AFF3: variants seen among roughly 807,000 people sequenced by gnomAD.
The protein encoded by AFF3 is AF4/FMR2 family member 3.
A neutral mutation model predicts 129.7 loss-of-function variants in AFF3; 32 were observed. That is an observed-to-expected ratio of 0.25 (90% CI 0.19 to 0.33). The LOEUF is 0.33. AFF3 is among the 10% of genes least tolerant of loss of function. The pLI is 1.00. For synonymous variants in AFF3, 644 were observed against 635.4 expected, an observed-to-expected ratio of 1.01 and a Z score of -0.20; for missense variants, 1,373 against 1,592.0, an observed-to-expected ratio of 0.86 and a Z score of 2.34.
intron 7 of AFF3, among the ~76,000 whole-genome samples, chr2:99,950,587 T>C (rs1368139814): frequency 6.6e-6 from 1 of 152,218 alleles, no homozygotes; most frequent in Non-Finnish European, 1.5e-5. Flanking sequence ...GAGGGATTTT[T>C]CTTCTCTTTC....
chr2:99,991,764 G>A (rs892611502), intron 7 of AFF3, among the ~76,000 whole-genome samples: 1 of 152,016 alleles, frequency 6.6e-6, no homozygotes, highest in South Asian at 2.1e-4. Flanking sequence ...TTAGCCAGGC[G>A]TGGTGGCGCA....
At chr2:99,783,681 C>T (rs1362149205) in intron 8 of AFF3, among the ~76,000 whole-genome samples, 2 of 152,214 alleles carry the variant, frequency 1.3e-5, no homozygotes, top group Non-Finnish European at 2.9e-5. Flanking sequence ...GAATCCAGAG[C>T]TGTCTTTCTA....
intron 8 of AFF3, among the ~76,000 whole-genome samples, chr2:99,824,814 G>A (rs1687952549): frequency 6.6e-6 from 1 of 152,162 alleles, no homozygotes; most frequent in Non-Finnish European, 1.5e-5. Context: ...GCTGCACACG[G>A]CACTTTTCTA....
At chr2:99,894,219 A>T (rs946845378) in intron 7 of AFF3, among the ~76,000 whole-genome samples, 37 of 152,040 alleles carry the variant, frequency 2.4e-4, no homozygotes, top group Non-Finnish European at 4.6e-4. Context: ...TTTTGAAAAA[A>T]AAAAAAGGAG....
chr2:99,708,318 G>A (rs1044656604), intron 11 of AFF3, among the ~76,000 whole-genome samples: 5 of 152,114 alleles, frequency 3.3e-5, no homozygotes, highest in Non-Finnish European at 5.9e-5. Flanking sequence ...AACGCTTTTT[G>A]TCTAGATGTA....
intron 11 of AFF3, among the ~76,000 whole-genome samples, chr2:99,691,014 C>T (rs1315299736): frequency 6.6e-6 from 1 of 151,750 alleles, no homozygotes; most frequent in Admixed American, 6.6e-5. Flanking sequence ...TTGGAGGGAC[C>T]CATTTCTCAT....
intron 11 of AFF3, among the ~76,000 whole-genome samples, chr2:99,705,911 G>A (rs1325608635): frequency 1.4e-5 from 2 of 147,316 alleles, no homozygotes; most frequent in Non-Finnish European, 3.0e-5. Context: ...CACGCCCTTT[G>A]GGTTGCTGAA....
chr2:99,566,413 C>T (rs927292595), intron 19 of AFF3, among the ~76,000 whole-genome samples: 7 of 152,116 alleles, frequency 4.6e-5, no homozygotes, highest in South Asian at 4.1e-4. Context: ...TTGGGCCTGG[C>T]GGCTCATGCC....
At chr2:99,799,853 G>A (rs186192358) in intron 8 of AFF3, among the ~76,000 whole-genome samples, 11 of 152,168 alleles carry the variant, frequency 7.2e-5, no homozygotes, top group Admixed American at 4.6e-4. Flanking sequence ...AGTGGAGAAA[G>A]GACAGTATTT....
At chr2:99,981,810 T>A (rs902875389) in intron 7 of AFF3, among the ~76,000 whole-genome samples, 8 of 152,230 alleles carry the variant, frequency 5.3e-5, no homozygotes, top group African/African-American at 1.2e-4. Context: ...ATCATGTTTT[T>A]AAAAATGCAA....
chr2:99,648,881 G>GCACACCACA (rs367768868), intron 13 of AFF3, among the ~76,000 whole-genome samples: 4 of 64,914 alleles, frequency 6.2e-5, no homozygotes, highest in Admixed American at 3.6e-4. Context: ...CTCAAAACAC[G>GCACACCACA]CGCGCACACA....
intron 7 of AFF3, among the ~76,000 whole-genome samples, chr2:99,939,100 T>A (rs1341176971): frequency 6.6e-6 from 1 of 152,230 alleles, no homozygotes; most frequent in Non-Finnish European, 1.5e-5. Flanking sequence ...ATCCTATTAA[T>A]CTAATACAAA....
At chr2:100,106,794 C>A in intron 2 of AFF3, 1 of 985,492 alleles carries the variant, frequency 1.0e-6, no homozygotes, top group Non-Finnish European at 1.2e-6. Context: ...TACTGCGAGT[C>A]CCATGCTGGG....
chr2:100,045,839 CTA>C (rs1265978053), intron 4 of AFF3, among the ~76,000 whole-genome samples: 2 of 152,130 alleles, frequency 1.3e-5, no homozygotes, highest in Non-Finnish European at 2.9e-5. Context: ...AGAATAATAT[CTA>C]TCATATATTA....
At chr2:99,830,288 AAAAAAT>A (rs1688419983) in intron 8 of AFF3, among the ~76,000 whole-genome samples, 2 of 152,204 alleles carry the variant, frequency 1.3e-5, no homozygotes, top group South Asian at 2.1e-4. Context: ...TAAAGTAAAA[AAAAAAT>A]AAAAATAAAA....
At chr2:100,105,279 C>T (rs1691198493) in intron 3 of AFF3, 2 of 1,170,430 alleles carry the variant, frequency 1.7e-6, no homozygotes, top group South Asian at 1.6e-5. Context: ...AATTCCCCGG[C>T]CGCCCAGGCG....
intron 7 of AFF3, among the ~76,000 whole-genome samples, chr2:99,958,834 C>T (rs923825094): frequency 2.0e-5 from 3 of 151,872 alleles, no homozygotes; most frequent in Admixed American, 6.6e-5. Flanking sequence ...TTATCAAGGC[C>T]GGGTGCGGTG....
chr2:99,995,451 C>A (rs188267128), intron 7 of AFF3, among the ~76,000 whole-genome samples: 1 of 151,946 alleles, frequency 6.6e-6, no homozygotes, highest in East Asian at 1.9e-4. Context: ...CAGCTCACTG[C>A]AAGCTCCGCC....
At chr2:99,625,847 T>C (rs928265080) in intron 13 of AFF3, among the ~76,000 whole-genome samples, 1 of 152,216 alleles carries the variant, frequency 6.6e-6, no homozygotes, top group African/African-American at 2.4e-5. Context: ...GCTTTTGAAT[T>C]AGTTGAAGGG....
Sources: allele counts gnomAD v4.1 joint callset (sites outside exome capture counted in the v4.1 genomes callset), GRCh38; gene constraint gnomAD v4.1.1; transcripts MANE v1.5; gene names NCBI Gene and HGNC (gene_info 2026-07-23, HGNC 2026-07-21).